CEP295: variants seen among roughly 807,000 people sequenced by gnomAD.
CEP295 encodes centrosomal protein 295, also known as centrosomal protein of 295 kDa.
In CEP295, 190 loss-of-function variants were observed where a neutral mutation model predicts 291.6. The ratio of observed to expected loss-of-function variants is 0.65; its 90% confidence interval spans 0.58 to 0.73. The LOEUF (loss-of-function observed/expected upper bound fraction) is 0.73. CEP295 is among the 30% of genes least tolerant of loss of function. The pLI, the probability that CEP295 is intolerant of heterozygous loss-of-function variation, is 0.00. For missense variants in CEP295, 2,863 were observed against 2,949.4 expected (o/e 0.97, Z 0.68); for synonymous variants, 993 against 1,038.8 (o/e 0.96, Z 0.85).
intron 15 of CEP295, 139 bp downstream of exon 15, chr11:93,700,325 A>G (rs1414903182): frequency 1.3e-6 from 1 of 796,760 alleles, no homozygotes; most frequent in Admixed American, 3.1e-5. Flanking sequence ...ACCCTAAATG[A>G]TGTGGAAGTT....
chr11:93,716,228 G>A (rs985857457), intron 18 of CEP295, among the ~76,000 whole-genome samples: 5 of 152,158 alleles, frequency 3.3e-5, no homozygotes, highest in African/African-American at 1.2e-4. Flanking sequence ...CTCCCTCCAA[G>A]GGCACTGGCA....
chr11:93,668,864 T>C lies in CEP295; in HGVS notation c.366T>C (p.Asp122=), dbSNP rs1451938592. ...QRAAERKRKA[D]LRHKEALKVQ... ...CAGCAGAAAGGAAAAGAAAAGCAGA[T>C]TTGAGGCATAAAGAAGCCTTGAAAG... Residue 122 remains aspartate, a synonymous_variant, in exon 4 of 30, where the codon GAT becomes GAC. Coordinates refer to ENST00000325212, the MANE Select transcript of CEP295 (RefSeq NM_033395.2). 6.7e-7 allele frequency: 1 copy of C among 1,502,624 alleles called. No individual in the cohort carries two copies. Among genetic ancestry groups the C allele is most frequent in the Non-Finnish European group, 9.0e-7 (1 of 1,111,240 alleles). 93.1% of individuals were successfully genotyped at this position (1,502,624 alleles called of 1,614,324 possible).
At position 93,729,907 on chromosome 11, in the gene CEP295, C is replaced by G; in HGVS notation, c.7605C>G (p.Val2535=). 1 of 1,550,004 alleles carries G rather than the reference C, an allele frequency of 6.5e-7. No homozygotes were observed. The highest frequency in any genetic ancestry group is 8.7e-7 in the Non-Finnish European group (1 of 1,146,664). The change falls in exon 28 of 30, where the codon GTC becomes GTG. Residue 2535 remains valine (V), a synonymous_variant. Coordinates refer to ENST00000325212, the MANE Select transcript of CEP295 (RefSeq NM_033395.2). The stretch of plus-strand genomic sequence containing the variant: ...GTCGTCTAAAGGGCGTGAATAAAGT[C>G]AGAGCATCTTTTCCTGAAGACAGAA... The part of the protein sequence containing the change: ...SVSRLKGVNK[V]RASFPEDRKT...
chr11:93,726,370 A>T (rs1954137221), intron 23 of CEP295, among the ~76,000 whole-genome samples: 1 of 152,164 alleles, frequency 6.6e-6, no homozygotes, highest in South Asian at 2.1e-4. Flanking sequence ...CCGACCTCAG[A>T]TGATCCACTC....
rs200132094 is a variant in CEP295, at chr11:93,697,169, G to A, written c.2257G>A (p.Glu753Lys). The A allele has an allele frequency of 9.5e-4, 1,477 of 1,551,830 alleles. 7 individuals carry two copies. The highest frequency in any genetic ancestry group is 1.1e-3 in the Non-Finnish European group (1,258 of 1,147,036). Residue 753 changes from glutamate to lysine, a missense_variant, in exon 15 of 30, where the codon GAA (glutamate) becomes AAA (lysine). Glu to Lys is a moderately conservative substitution (Grantham distance 56). Coordinates refer to ENST00000325212, the MANE Select transcript of CEP295 (RefSeq NM_033395.2). Reference sequence around the variant, plus strand: ...ATCACAGGATGCTAGAAAAATATCTGAAACATTTGGGGCAACAACTTTTCA... The same window carrying A: ...ATCACAGGATGCTAGAAAAATATCTAAAACATTTGGGGCAACAACTTTTCA... The part of the protein sequence containing the change: ...LISQDARKIS[E>K]TFGATTFQSL...
chr11:93,700,941 C>G (rs1240856235), intron 15 of CEP295, among the ~76,000 whole-genome samples: 1 of 152,136 alleles, frequency 6.6e-6, no homozygotes, highest in African/African-American at 2.4e-5. Context: ...TGATTTTAGG[C>G]TGATGTAGAG....
At chr11:93,702,294 C>T (rs1274547948) in intron 15 of CEP295, among the ~76,000 whole-genome samples, 166 bp from the exon 16 acceptor site, 3 of 152,144 alleles carry the variant, frequency 2.0e-5, no homozygotes, top group Non-Finnish European at 4.4e-5. Context: ...ATCCTTTTGG[C>T]ATTAGAAGCA....
chr11:93,729,134 CA>C (rs1421616139), intron 25 of CEP295: 3 of 496,890 alleles, frequency 6.0e-6, no homozygotes, highest in African/African-American at 5.8e-5. Context: ...GACTTCAGAA[CA>C]ACTGGTAATT....
chr11:93,704,205 TAGAA>T (rs1490295355), intron 17 of CEP295, among the ~76,000 whole-genome samples: 2 of 152,156 alleles, frequency 1.3e-5, no homozygotes, highest in Non-Finnish European at 2.9e-5. Context: ...GCTTTGTCAA[TAGAA>T]AGGTACTTAG....
intron 25 of CEP295, chr11:93,729,134 C>T (rs547788611): frequency 4.0e-6 from 2 of 497,004 alleles, no homozygotes; most frequent in East Asian, 6.4e-5. Context: ...GACTTCAGAA[C>T]AACTGGTAAT....
intron 19 of CEP295, 49 bp from the exon 20 acceptor site, chr11:93,721,905 T>G: frequency 1.5e-6 from 2 of 1,344,344 alleles, no homozygotes; most frequent in Non-Finnish European, 2.1e-6. Context: ...TGGGGTTTTC[T>G]TACATACTAC....
At chr11:93,720,801 T>G (rs564697579) in intron 18 of CEP295, among the ~76,000 whole-genome samples, 1 of 152,278 alleles carries the variant, frequency 6.6e-6, no homozygotes, top group East Asian at 1.9e-4. Flanking sequence ...TTCACTGTGT[T>G]GCCTAGGCTG....
Position 93,729,299 on chromosome 11 carries a change from C to T in CEP295, c.7303-135C>T, listed in dbSNP as rs181324061. On this transcript the variant is annotated intron_variant, in intron 25 of 29. Coordinates refer to ENST00000325212, the MANE Select transcript of CEP295 (RefSeq NM_033395.2). ...AAAATACAAAAATCAGGCATGGTGGCGGGTCTCTGTAGACCCAGCTAAGAT... is the reference window on the plus strand; with the variant it reads ...AAAATACAAAAATCAGGCATGGTGGTGGGTCTCTGTAGACCCAGCTAAGAT... The T allele has an allele frequency of 1.4e-3, 904 of 645,738 alleles. 1 individual carries two copies. The highest frequency in any genetic ancestry group is 1.8e-3 in the Non-Finnish European group (651 of 367,786). 40.0% of individuals were successfully genotyped at this position (645,738 alleles called of 1,614,324 possible).
At chr11:93,691,845 GT>G (rs1357488101) in intron 11 of CEP295, 70 bp downstream of exon 11, 1 of 1,284,130 alleles carries the variant, frequency 7.8e-7, no homozygotes, top group Non-Finnish European at 1.1e-6. Context: ...AAAATTACAT[GT>G]GATATATTAA....
Position 93,698,495 on chromosome 11 carries a change from A to G in CEP295, c.3583A>G (p.Lys1195Glu). The G allele has an allele frequency of 6.4e-7, 1 of 1,552,014 alleles. No homozygotes were observed. Among genetic ancestry groups the G allele is most frequent in the South Asian group, 1.2e-5 (1 of 84,062 alleles). Residue 1195 changes from lysine (K) to glutamate (E), a missense_variant, in exon 15 of 30, where the codon AAA (lysine) becomes GAA (glutamate). Lys to Glu is a moderately conservative substitution (Grantham distance 56, BLOSUM62 1). Around this residue, in one of 3 missense-constraint regions of CEP295, gnomAD observed 2,295 missense variants for 2,335.7 expected, o/e 0.98. Transcript: ENST00000325212. ...EFVHTESELE[K>E]RISSEQTGTS... ...TGTACACACAGAAAGTGAATTGGAG[A>G]AAAGAATTTCTTCTGAACAGACTGG...
Position 93,698,921 on chromosome 11 carries a change from C to T in CEP295, c.4009C>T (p.Leu1337Phe). ...TCAGATCCCACAATTGCAGGATAGGCTTTTGAGGATATCGCAACTTATCCA... is the reference window on the plus strand; with the variant it reads ...TCAGATCCCACAATTGCAGGATAGGTTTTTGAGGATATCGCAACTTATCCA... ...HLQIPQLQDR[L>F]LRISQLIQPQ... is the part of the protein sequence containing the mutation. The change falls in exon 15 of 30, where the codon CTT becomes TTT. Residue 1337 changes from leucine (L) to phenylalanine (F), a missense_variant. Around this residue, in one of 3 missense-constraint regions of CEP295, gnomAD observed 2,295 missense variants for 2,335.7 expected, o/e 0.98. Coordinates refer to ENST00000325212, the MANE Select transcript of CEP295 (RefSeq NM_033395.2). 6.4e-7 allele frequency: 1 copy of T among 1,551,570 alleles called. No individual in the cohort carries two copies. The highest frequency in any genetic ancestry group is 8.7e-7 in the Non-Finnish European group (1 of 1,146,970).
Position 93,727,382 on chromosome 11 carries a change from TAAA to T in CEP295, c.6909_6911del (p.Lys2303del). 1.3e-6 allele frequency: 2 copies of T among 1,551,428 alleles called. No homozygotes were observed. Among genetic ancestry groups the T allele is most frequent in the South Asian group, 1.2e-5 (1 of 84,026 alleles). On this transcript the variant is annotated inframe_deletion, in exon 24 of 30. Coordinates refer to ENST00000325212, the MANE Select transcript of CEP295 (RefSeq NM_033395.2). ...AAAGTCAAGGACTCATTGAAGATAATAAAAATGAAACCTGTAGGGTTTTAGACA... is the reference window on the plus strand; with the variant it reads ...AAAGTCAAGGACTCATTGAAGATAATAATGAAACCTGTAGGGTTTTAGACA...
rs761613314 is a variant in CEP295, at chr11:93,706,796, G to A, written c.5648G>A (p.Arg1883Gln). ...DRDPLRVSISREQSFFGSPLA... is the reference protein window; with the variant it reads ...DRDPLRVSISQEQSFFGSPLA... ...GACCCCCTGCGAGTCTCAATAAGCC[G>A]AGAACAAAGTTTCTTTGGGAGCCCA... The change falls in exon 18 of 30, where the codon CGA becomes CAA. Residue 1883 changes from arginine (R) to glutamine (Q), a missense_variant. By Grantham distance (43) the Arg-to-Gln change is conservative. This residue lies in a region of CEP295 where 2,295 missense variants were observed against 2,335.7 expected (regional missense o/e 0.98). Transcript: ENST00000325212. 2.9e-5 allele frequency: 45 copies of A among 1,550,184 alleles called. No individual in the cohort carries two copies. The highest frequency in any genetic ancestry group is 1.4e-4 in the Admixed American group (7 of 50,658).
intron 22 of CEP295, among the ~76,000 whole-genome samples, chr11:93,724,935 A>T (rs1954030075): frequency 6.6e-6 from 1 of 152,118 alleles, no homozygotes; most frequent in Non-Finnish European, 1.5e-5. Context: ...TCCCCAAGTG[A>T]TTCTAATGTG....
Sources: gnomAD v4.1 joint callset for allele counts (sites outside exome capture counted in the v4.1 genomes callset) on GRCh38, gnomAD v4.1.1 for gene constraint, gnomAD v4.1.1 regional missense constraint, MANE v1.5 for transcripts, NCBI Gene and HGNC (gene_info 2026-07-23, HGNC 2026-07-21) for gene names.